Variants in ACTG2 observed in about 807,000 individuals in gnomAD.
ACTG2 encodes the protein actin, gamma-enteric smooth muscle.
ACTG2 carries 16 observed loss-of-function variants against 37.6 expected under a neutral mutation model. The observed-to-expected ratio is 0.43, with a 90% CI of 0.29 to 0.65. The LOEUF (loss-of-function observed/expected upper bound fraction) is 0.65, where lower values mean the gene tolerates loss of function less well. ACTG2 is among the 30% of genes least tolerant of loss of function. The pLI is 0.18. For missense variants in ACTG2, 238 were observed against 490.9 expected (o/e 0.48, Z 4.87); for synonymous variants, 181 against 179.9 (o/e 1.01, Z -0.05).
At chr2:73,917,939 G>A (rs1680303777) in intron 8 of ACTG2, among the ~76,000 whole-genome samples, 1 of 152,144 alleles carries the variant, frequency 6.6e-6, no homozygotes, top group South Asian at 2.1e-4. Context: ...GGTCCAACAA[G>A]TCTGAATTGC....
chr2:73,904,803 A>G (rs1385217791), intron 3 of ACTG2, among the ~76,000 whole-genome samples: 102 of 117,062 alleles, frequency 8.7e-4, no homozygotes, highest in African/African-American at 3.2e-3. Flanking sequence ...ATATATATAT[A>G]TATATATATA....
At chr2:73,894,409 C>T (rs1679696654) in intron 1 of ACTG2, among the ~76,000 whole-genome samples, 1 of 152,128 alleles carries the variant, frequency 6.6e-6, no homozygotes, top group East Asian at 1.9e-4. Flanking sequence ...CAGTAAGATC[C>T]TACATGCCAG....
At chr2:73,915,929 C>T (rs1323281287) in intron 7 of ACTG2, among the ~76,000 whole-genome samples, 1 of 151,844 alleles carries the variant, frequency 6.6e-6, no homozygotes, top group Admixed American at 6.6e-5. Flanking sequence ...ATGGGGGTCT[C>T]TTTTGAAGGT....
At chr2:73,917,245 G>A (rs1680289606) in intron 8 of ACTG2, among the ~76,000 whole-genome samples, 1 of 152,084 alleles carries the variant, frequency 6.6e-6, no homozygotes, top group South Asian at 2.1e-4. Context: ...ATCAGGAGAT[G>A]GGAAATAGAA....
chr2:73,895,631 CTT>C (rs764620865), intron 1 of ACTG2, among the ~76,000 whole-genome samples: 1 of 152,192 alleles, frequency 6.6e-6, no homozygotes, highest in Non-Finnish European at 1.5e-5. Context: ...AGGCCTAACA[CTT>C]TCTGTCAAAA....
chr2:73,895,524 C>T (rs1425557176), intron 1 of ACTG2, among the ~76,000 whole-genome samples: 1 of 152,168 alleles, frequency 6.6e-6, no homozygotes, highest in Non-Finnish European at 1.5e-5. Flanking sequence ...TAATAAAAGG[C>T]AGAGACGCAG....
chr2:73,907,782 A>C (rs1160352053), intron 3 of ACTG2, among the ~76,000 whole-genome samples: 1 of 152,178 alleles, frequency 6.6e-6, no homozygotes, highest in Non-Finnish European at 1.5e-5. Context: ...ACAACTGGAA[A>C]ACTGCTGCTA....
chr2:73,908,384 A>C (rs1334631462), intron 3 of ACTG2: 2 of 530,132 alleles, frequency 3.8e-6, no homozygotes, highest in African/African-American at 3.8e-5. Context: ...CACTCAGTGC[A>C]CAAAGGCAGG....
chr2:73,908,949 C>A, intron 4 of ACTG2, 106 bp from the exon 5 acceptor site: 2 of 1,293,802 alleles, frequency 1.5e-6, no homozygotes, highest in South Asian at 2.5e-5. Flanking sequence ...AATGAACTAT[C>A]AAACTGGCAT....
At chr2:73,916,832 C>T (rs1000833124) in intron 8 of ACTG2, 67 bp downstream of exon 8, 30 of 1,546,928 alleles carry the variant, frequency 1.9e-5, no homozygotes, top group Non-Finnish European at 2.5e-5. Context: ...GGGAGTTCCT[C>T]GGAGGCAGAC....
At chr2:73,912,953 A>T (rs1324843086) in intron 5 of ACTG2, among the ~76,000 whole-genome samples, 2 of 152,330 alleles carry the variant, frequency 1.3e-5, no homozygotes, top group East Asian at 1.9e-4. Context: ...GAATTGCCTG[A>T]GGTCAGGAGT....
chr2:73,906,180 G>A (rs1355180146), intron 3 of ACTG2, among the ~76,000 whole-genome samples: 2 of 152,084 alleles, frequency 1.3e-5, no homozygotes, highest in East Asian at 1.9e-4. Flanking sequence ...GGCCGGGCGC[G>A]GTGGCTCACG....
intron 3 of ACTG2, chr2:73,908,463 G>A (rs897263662): frequency 6.2e-6 from 4 of 641,340 alleles, no homozygotes; most frequent in Non-Finnish European, 1.2e-5. Flanking sequence ...GAAAATACTG[G>A]TTCCAGGTCT....
Position 73,915,863 on chromosome 2 carries a change from T to A in ACTG2, c.806-721T>A, listed in dbSNP as rs116604264. On this transcript the variant is annotated intron_variant, in intron 7 of 8. Transcript: ENST00000345517. ...CTAAAGACAGAAAGTGGATTCACTGTTACCTAGGGCTGGGGCAGGGATGGA... is the reference window on the plus strand; with the variant it reads ...CTAAAGACAGAAAGTGGATTCACTGATACCTAGGGCTGGGGCAGGGATGGA... 7.2e-3 allele frequency among the ~76,000 whole-genome samples: 1,101 copies of A among 152,252 alleles called. 13 individuals carry two copies. Among genetic ancestry groups the A allele is most frequent in the African/African-American group, 0.025 (1,026 of 41,542 alleles).
intron 5 of ACTG2, among the ~76,000 whole-genome samples, chr2:73,911,832 G>A (rs1009900025): frequency 6.6e-6 from 1 of 152,220 alleles, no homozygotes; most frequent in East Asian, 1.9e-4. Context: ...CAGCGTAACA[G>A]AGGAAATCTC....
intron 1 of ACTG2, among the ~76,000 whole-genome samples, chr2:73,893,670 G>A (rs1166242703): frequency 1.3e-5 from 2 of 152,070 alleles, no homozygotes; most frequent in Non-Finnish European, 2.9e-5. Context: ...GAGGTTTCAG[G>A]GTAGAAGGAA....
rs567585640 is a variant in ACTG2 at position 73,914,047 on chromosome 2, G to T, written c.613+401G>T. On this transcript the variant is annotated intron_variant, in intron 6 of 8. Transcript: ENST00000345517. ...CATTTTTTAGGTGGGAGCCTCTCTAGGTTCTGTAAGATCAAACATCTGAGT... is the reference window on the plus strand; with the variant it reads ...CATTTTTTAGGTGGGAGCCTCTCTATGTTCTGTAAGATCAAACATCTGAGT... Among the ~76,000 whole-genome samples the T allele has an allele frequency of 1.2e-3, 176 of 152,290 alleles. 2 individuals carry two copies. The highest frequency in any genetic ancestry group is 4.1e-3 in the African/African-American group (171 of 41,572).
intron 1 of ACTG2, chr2:73,896,752 G>T: frequency 6.6e-6 from 1 of 152,234 alleles, no homozygotes. Context: ...TTGGGGCTAG[G>T]GGAATAAAAG....
At chr2:73,918,424 C>G (rs1680315583) in intron 8 of ACTG2, among the ~76,000 whole-genome samples, 1 of 152,204 alleles carries the variant, frequency 6.6e-6, no homozygotes, top group African/African-American at 2.4e-5. Flanking sequence ...TGACTTTTGT[C>G]TGCCTGGATA....
Sources: allele counts gnomAD v4.1 joint callset (sites outside exome capture counted in the v4.1 genomes callset), GRCh38; gene constraint gnomAD v4.1.1; transcripts MANE v1.5; gene names NCBI Gene and HGNC (gene_info 2026-07-23, HGNC 2026-07-21).